TAFA4: variants seen among roughly 807,000 people sequenced by gnomAD.
TAFA4 encodes the protein chemokine-like protein TAFA-4.
TAFA4 carries 20 observed loss-of-function variants against 21.1 expected under a neutral mutation model. The ratio of observed to expected loss-of-function variants is 0.95; its 90% CI spans 0.67 to 1.38. The LOEUF is 1.38. TAFA4 is among the 40% of genes most tolerant of loss of function. The pLI is 0.00. For missense variants in TAFA4, 211 were observed against 180.9 expected, an observed-to-expected ratio of 1.17 and a Z score of -0.95; for synonymous variants, 71 against 67.4, an observed-to-expected ratio of 1.05 and a Z score of -0.26.
In TAFA4 at chr3:68,753,022, G is replaced by A. The variant is rs372737877; in HGVS notation, c.131-4C>T. 2.5e-6 allele frequency: 4 copies of A among 1,611,932 alleles called. No individual in the cohort carries two copies. In the South Asian group the frequency reaches 4.4e-5, roughly 18 times the overall value. On this transcript the variant is annotated splice_polypyrimidine_tract_variant and splice_region_variant and intron_variant, in intron 3 of 5. Coordinates refer to ENST00000295569, the MANE Select transcript of TAFA4 (RefSeq NM_182522.5). ...CCTTGCTTGATTTGGTGGTGACCTAGTTGGTAATGGGGGAGAAAAACAAAC... is the reference window on the plus strand; with the variant it reads ...CCTTGCTTGATTTGGTGGTGACCTAATTGGTAATGGGGGAGAAAAACAAAC...
intron 1 of TAFA4, among the ~76,000 whole-genome samples, chr3:68,923,119 G>A (rs2090075929): frequency 1.3e-5 from 2 of 152,232 alleles, no homozygotes; most frequent in African/African-American, 2.4e-5. Context: ...TGGGTCTTTA[G>A]AATCAAATTA....
At chr3:68,746,023 A>G (rs1298433435) in intron 4 of TAFA4, among the ~76,000 whole-genome samples, 2 of 152,202 alleles carry the variant, frequency 1.3e-5, no homozygotes, top group Non-Finnish European at 2.9e-5. Context: ...CTGCCAGCAC[A>G]GCTAGGATAA....
At chr3:68,736,379 T>C (rs1464760055) in intron 5 of TAFA4, among the ~76,000 whole-genome samples, 1 of 152,116 alleles carries the variant, frequency 6.6e-6, no homozygotes, top group South Asian at 2.1e-4. Context: ...AGTGCCAATA[T>C]TTTATACCTG....
rs1383689021 is a variant in TAFA4 at position 68,880,852 on chromosome 3, G to A, written c.15-7C>T. On this transcript the variant is annotated splice_polypyrimidine_tract_variant and splice_region_variant and intron_variant, in intron 2 of 5. Transcript: ENST00000295569. ...CTTAGCACAGACTCTCATCCTGGAG[G>A]AAAAGCAGGGCTGGAGTCAGTGAGG... 1.9e-6 allele frequency: 3 copies of A among 1,611,470 alleles called. No homozygotes were observed. Among genetic ancestry groups the A allele is most frequent in the Non-Finnish European group, 2.5e-6 (3 of 1,178,700 alleles).
intron 1 of TAFA4, among the ~76,000 whole-genome samples, chr3:68,905,787 CA>C (rs1419763262): frequency 6.6e-6 from 1 of 152,158 alleles, no homozygotes; most frequent in Non-Finnish European, 1.5e-5. Context: ...TCTCATTGGT[CA>C]GGGGGTAAAC....
intron 3 of TAFA4, among the ~76,000 whole-genome samples, chr3:68,815,180 C>G (rs1042890977): frequency 6.6e-6 from 1 of 152,186 alleles, no homozygotes; most frequent in Non-Finnish European, 1.5e-5. Context: ...GGATTAAAGA[C>G]TTAAATGTTA....
chr3:68,865,927 C>T (rs2089409961), intron 3 of TAFA4, among the ~76,000 whole-genome samples: 1 of 152,074 alleles, frequency 6.6e-6, no homozygotes, highest in Admixed American at 6.6e-5. Context: ...CTGCCAAGCA[C>T]CATGTGCAAA....
chr3:68,921,149 C>A (rs77744354), intron 1 of TAFA4, among the ~76,000 whole-genome samples: 1,657 of 152,116 alleles, frequency 0.011, 27 homozygotes, highest in African/African-American at 0.038. Context: ...CCTAGTCGCA[C>A]GCAACACCCT....
At chr3:68,750,019 ACT>A (rs1379211534) in intron 4 of TAFA4, among the ~76,000 whole-genome samples, 1 of 152,140 alleles carries the variant, frequency 6.6e-6, no homozygotes, top group East Asian at 1.9e-4. Flanking sequence ...CACTGCATAG[ACT>A]CTGCTCAGAT....
intron 3 of TAFA4, among the ~76,000 whole-genome samples, chr3:68,878,414 T>C (rs1463066575): frequency 6.6e-6 from 1 of 152,206 alleles, no homozygotes; most frequent in Non-Finnish European, 1.5e-5. Flanking sequence ...CTATACCAGA[T>C]GAAATTTCTA....
chr3:68,904,784 C>T (rs1219823710), intron 1 of TAFA4, among the ~76,000 whole-genome samples: 2 of 152,206 alleles, frequency 1.3e-5, no homozygotes, highest in Non-Finnish European at 2.9e-5. Flanking sequence ...TCTGCTGACT[C>T]AGGGGCATTA....
At chr3:68,924,131 G>T (rs971131963) in intron 1 of TAFA4, among the ~76,000 whole-genome samples, 3 of 152,174 alleles carry the variant, frequency 2.0e-5, no homozygotes, top group Non-Finnish European at 4.4e-5. Context: ...TCTGGGTAGA[G>T]ACTCAAAAGC....
At position 68,734,234 on chromosome 3, in the gene TAFA4, TAAAAATGTA is replaced by T. The variant is rs375241953; in HGVS notation, c.412-1090_412-1082del. On this transcript the variant is annotated intron_variant, in intron 5 of 5. Coordinates refer to ENST00000295569, the MANE Select transcript of TAFA4 (RefSeq NM_182522.5). ...CTGTTTTTGATTTTTTCCAAGTACT[TAAAAATGTA>T]AAACCCAGTCTTAGCTCATGGCCCA... Among the ~76,000 whole-genome samples, 356 of 152,200 alleles carry T rather than the reference TAAAAATGTA, an allele frequency of 2.3e-3. 2 individuals carry two copies. The highest frequency in any genetic ancestry group is 8.4e-3 in the African/African-American group (347 of 41,528).
rs561321133 is a variant in TAFA4, at chr3:68,896,716, T to C, written c.-122-11406A>G. ...TGAATTTGGCCAGCTATCTGGAGAG[T>C]AGGGTACCTGTGAAGCCCAGGCCTC... is the stretch of plus-strand genomic sequence containing the variant. On this transcript the variant is annotated intron_variant, in intron 1 of 5. Coordinates refer to ENST00000295569, the MANE Select transcript of TAFA4 (RefSeq NM_182522.5). 9.2e-5 allele frequency among the ~76,000 whole-genome samples: 14 copies of C among 152,224 alleles called. No individual in the cohort carries two copies. The South Asian group carries it at 2.7e-3, about 29-fold the overall frequency.
chr3:68,889,679 C>G (rs1291186650), intron 1 of TAFA4, among the ~76,000 whole-genome samples: 1 of 152,142 alleles, frequency 6.6e-6, no homozygotes, highest in Non-Finnish European at 1.5e-5. Flanking sequence ...TGACCTTAAA[C>G]CTGGATCTAA....
chr3:68,863,437 T>C (rs1439515016), intron 3 of TAFA4, among the ~76,000 whole-genome samples: 5 of 152,104 alleles, frequency 3.3e-5, no homozygotes. Flanking sequence ...GAGAAATGTA[T>C]AGACAAGAGA....
chr3:68,818,120 A>G (rs772216668), intron 3 of TAFA4, among the ~76,000 whole-genome samples: 12 of 152,194 alleles, frequency 7.9e-5, no homozygotes, highest in Non-Finnish European at 1.5e-4. Flanking sequence ...GATCTTCTGG[A>G]TAACTTCCTG....
At chr3:68,733,453 C>A (rs1702187256) in intron 5 of TAFA4, among the ~76,000 whole-genome samples, 1 of 152,150 alleles carries the variant, frequency 6.6e-6, no homozygotes, top group Non-Finnish European at 1.5e-5. Flanking sequence ...TTCATGCATG[C>A]TGAGCATGCT....
chr3:68,807,154 C>G (rs1703718954), intron 3 of TAFA4, among the ~76,000 whole-genome samples: 1 of 152,222 alleles, frequency 6.6e-6, no homozygotes, highest in Non-Finnish European at 1.5e-5. Context: ...AATCCACAGG[C>G]TGGCTAGTGA....
Sources: gnomAD v4.1 joint callset for allele counts (sites outside exome capture counted in the v4.1 genomes callset) on GRCh38, gnomAD v4.1.1 for gene constraint, MANE v1.5 for transcripts, NCBI Gene and HGNC (gene_info 2026-07-23, HGNC 2026-07-21) for gene names.